CEL: variants seen among roughly 807,000 people sequenced by gnomAD.
CEL encodes the protein carboxyl ester lipase, also known as bile salt-activated lipase.
In CEL, 39 loss-of-function variants were observed where a neutral mutation model predicts 57.1. That is an observed-to-expected ratio of 0.68 (90% CI 0.53 to 0.89). The LOEUF (loss-of-function observed/expected upper bound fraction) is 0.89. Among genes scored for constraint, CEL ranks in the 40% least tolerant of loss-of-function variants. CEL has a pLI of 0.00. For synonymous variants in CEL, 314 were observed against 396.6 expected (o/e 0.79, Z 2.48); for missense variants, 698 against 915.0 (o/e 0.76, Z 3.06).
intron 7 of CEL, among the ~76,000 whole-genome samples, chr9:133,068,071 G>A (rs189221750): frequency 2.0e-5 from 3 of 152,166 alleles, no homozygotes; most frequent in South Asian, 2.1e-4. Flanking sequence ...TCAACTGCAC[G>A]GGCTGGACAA....
rs1273509890 is a variant in CEL, at chr9:133,071,641, C to T, written c.2139C>T (p.Pro713=). 3.2e-5 allele frequency: 48 copies of T among 1,522,572 alleles called. 1 individual carries two copies. The African/African-American group carries it at 4.5e-4, about 14-fold the overall frequency. 94.3% of individuals were successfully genotyped at this position (1,522,572 alleles called of 1,614,324 possible). A position where few individuals can be genotyped will look rare whatever the true frequency, so the allele number is the denominator to read the frequency against. Residue 713 remains proline (P), a synonymous_variant, in exon 11 of 11, where the codon CCC becomes CCT. Transcript: ENST00000372080. ...VTPTGDSETA[P]VPPTGDSGAP... is the part of the protein sequence containing the mutation. ...CCACGGGTGACTCCGAGACCGCCCC[C>T]GTGCCGCCCACGGGTGACTCCGGGG...
At chr9:133,063,346 C>T (rs563572656) in intron 1 of CEL, among the ~76,000 whole-genome samples, 1 of 152,304 alleles carries the variant, frequency 6.6e-6, no homozygotes, top group African/African-American at 2.4e-5. Context: ...ACAGATGCCT[C>T]GCAGGGGATG....
chr9:133,066,509 C>G lies in CEL; in HGVS notation c.539-21C>G. On this transcript the variant is annotated intron_variant, in intron 4 of 10. Transcript: ENST00000372080. This position sits in a 1 kb window ranked among gnomAD's most constrained non-coding sequence, Gnocchi z 4.3. Reference sequence around the variant, plus strand: ...CCTGGGCCACTGGTCTCTAGCACCCCCTCCCCTGCCCTGCCCCCAGGTAAC... The same window carrying G: ...CCTGGGCCACTGGTCTCTAGCACCCGCTCCCCTGCCCTGCCCCCAGGTAAC... 6.2e-7 allele frequency: 1 copy of G among 1,613,820 alleles called. No homozygotes were observed. Among genetic ancestry groups the G allele is most frequent in the Non-Finnish European group, 8.5e-7 (1 of 1,179,994 alleles).
rs372564944 is a variant in CEL, at chr9:133,066,587, C to T, written c.596C>T (p.Ala199Val). The T allele has an allele frequency of 3.5e-5, 57 of 1,613,832 alleles. No individual in the cohort carries two copies. Among genetic ancestry groups the T allele is most frequent in the Non-Finnish European group, 4.4e-5 (52 of 1,180,026 alleles). ...MAIAWVKRNI[A>V]AFGGDPNNIT... ...ATTGCTTGGGTGAAGAGGAATATCG[C>T]GGCCTTCGGGGGGGACCCCAACAAC... The change falls in exon 5 of 11, where the codon GCG becomes GTG. Residue 199 changes from alanine (A) to valine (V), a missense_variant. This residue lies in a region of CEL where 327 missense variants were observed against 374.1 expected (regional missense o/e 0.87). Transcript: ENST00000372080. This position sits in a 1 kb window ranked among gnomAD's most constrained non-coding sequence, Gnocchi z 4.3.
At chr9:133,070,878 G>A (rs1175663894) in intron 10 of CEL, 109 bp from the exon 11 acceptor site, 9 of 1,381,374 alleles carry the variant, frequency 6.5e-6, no homozygotes, top group Non-Finnish European at 9.1e-6. Context: ...GGGGCATGGT[G>A]CCCAGGGCCA....
chr9:133,066,541 C>A lies in CEL; in HGVS notation c.550C>A (p.Leu184Ile). 1 of 1,614,026 alleles carries A rather than the reference C, an allele frequency of 6.2e-7. No individual in the cohort carries two copies. Among genetic ancestry groups the A allele is most frequent in the Non-Finnish European group, 8.5e-7 (1 of 1,179,990 alleles). ...TGCCCTGCCCCCAGGTAACTATGGC[C>A]TTCGGGATCAGCACATGGCCATTGC... ...GDANLPGNYGLRDQHMAIAWV... is the reference protein window; with the variant it reads ...GDANLPGNYGIRDQHMAIAWV... The change falls in exon 5 of 11, where the codon CTT becomes ATT. Residue 184 changes from leucine to isoleucine, a missense_variant. Physicochemically the swap from Leu to Ile is conservative, Grantham distance 5. Around this residue, in one of 6 missense-constraint regions of CEL, gnomAD observed 327 missense variants for 374.1 expected, o/e 0.87. Coordinates refer to ENST00000372080, the MANE Select transcript of CEL (RefSeq NM_001807.6). This position sits in a 1 kb window ranked among gnomAD's most constrained non-coding sequence, Gnocchi z 4.3.
chr9:133,067,249 G>T lies in CEL; in HGVS notation c.895+44G>T, dbSNP rs747488282. The T allele has an allele frequency of 7.1e-6, 11 of 1,546,690 alleles. No homozygotes were observed. The East Asian group carries it at 1.6e-4, about 22-fold the overall frequency. On this transcript the variant is annotated intron_variant, in intron 7 of 10. Transcript: ENST00000372080. ...TGGCCCATGGGGTCTCGAGGTGGGG[G>T]TTGAGGGGGGTACTGCCAGGGAGTA...
In CEL at chr9:133,071,191, A is replaced by T; in HGVS notation, c.1689A>T (p.Thr563=). The T allele has an allele frequency of 1.9e-6, 3 of 1,601,486 alleles. No individual in the cohort carries two copies. The South Asian group carries it at 3.3e-5, about 18-fold the overall frequency. Reference sequence around the variant, plus strand: ...AGGAGGCCACCCCTGTGCCCCCCACAGGGGACTCCGAGGCCACTCCCGTGC... The same window carrying T: ...AGGAGGCCACCCCTGTGCCCCCCACTGGGGACTCCGAGGCCACTCCCGTGC... The part of the protein sequence containing the change: ...TDQEATPVPP[T]GDSEATPVPP... The change falls in exon 11 of 11, where the codon ACA becomes ACT. Residue 563 remains threonine, a synonymous_variant. Coordinates refer to ENST00000372080, the MANE Select transcript of CEL (RefSeq NM_001807.6).
At chr9:133,070,940 C>T (rs1830250173) in intron 10 of CEL, 47 bp from the exon 11 acceptor site, 2 of 1,602,682 alleles carry the variant, frequency 1.2e-6, no homozygotes, top group Non-Finnish European at 1.7e-6. Flanking sequence ...AGGGCTTCAG[C>T]CCCCTGGGAG....
rs1830138350 is a variant in CEL, at chr9:133,064,313, C to G, written c.67-91C>G. ...TCCTGCTTTGAAGCTGTCTTTGCCT[C>G]TGGGCACGCGGAGTCGGCTTGCCTT... On this transcript the variant is annotated intron_variant, in intron 1 of 10. Coordinates refer to ENST00000372080, the MANE Select transcript of CEL (RefSeq NM_001807.6). 7 of 1,569,274 alleles carry G rather than the reference C, an allele frequency of 4.5e-6. No homozygotes were observed. The South Asian group carries it at 4.5e-5, about 10-fold the overall frequency.
At position 133,070,502 on chromosome 9, in the gene CEL, G is replaced by A. The variant is rs369669750; in HGVS notation, c.1328G>A (p.Arg443Gln). Residue 443 changes from arginine (R) to glutamine (Q), a missense_variant, in exon 10 of 11, where the codon CGG (arginine) becomes CAG (glutamine). Physicochemically the swap from Arg to Gln is conservative, Grantham distance 43 (BLOSUM62 1). Around this residue, in one of 6 missense-constraint regions of CEL, gnomAD observed 111 missense variants for 147.3 expected, o/e 0.75. Transcript: ENST00000372080. The part of the protein sequence containing the change: ...TYAYLFSHPS[R>Q]MPVYPKWVGA... ...GCCTACCTGTTTTCCCATCCCTCTC[G>A]GATGCCCGTCTACCCCAAATGGGTG... 20 of 1,613,824 alleles carry A rather than the reference G, an allele frequency of 1.2e-5. No individual in the cohort carries two copies. Among genetic ancestry groups the A allele is most frequent in the Middle Eastern group, 1.7e-4 (1 of 6,058 alleles).
intron 3 of CEL, 84 bp from the exon 4 acceptor site, chr9:133,064,956 G>A (rs1830151601): frequency 1.3e-6 from 2 of 1,577,202 alleles, no homozygotes; most frequent in Non-Finnish European, 1.7e-6. Flanking sequence ...TTGGCCCCAG[G>A]CACCTGCTGC....
In CEL at chr9:133,069,560, GCACTGAGAGAA is replaced by G. The variant is rs796070104; in HGVS notation, c.1286+307_1286+317del. 2.2e-3 allele frequency among the ~76,000 whole-genome samples: 339 copies of G among 152,048 alleles called. 7 individuals are homozygous for G. Among genetic ancestry groups the G allele is most frequent in the African/African-American group, 7.8e-3 (323 of 41,372 alleles). Reference sequence around the variant, plus strand: ...CTACCTTCCATCCCCCATGCTGTGTGCACTGAGAGAACACTGGACAATAGTTTCTATCCACT... The same window carrying G: ...CTACCTTCCATCCCCCATGCTGTGTGCACTGGACAATAGTTTCTATCCACT... On this transcript the variant is annotated intron_variant, in intron 9 of 10. Transcript: ENST00000372080.
At chr9:133,070,884 G>A (rs1830249034) in intron 10 of CEL, 103 bp from the exon 11 acceptor site, 8 of 1,411,338 alleles carry the variant, frequency 5.7e-6, no homozygotes, top group Admixed American at 1.9e-5. Context: ...TGGTGCCCAG[G>A]GCCAGCTCAG....
chr9:133,068,596 C>A, intron 7 of CEL, 76 bp from the exon 8 acceptor site: 2 of 1,604,970 alleles, frequency 1.2e-6, no homozygotes, highest in Non-Finnish European at 1.7e-6. Flanking sequence ...CCAATTCCAG[C>A]CCTGAGAGGC....
rs780419796 is a variant in CEL, at chr9:133,071,673, CT to C, written c.2172del (p.Val725CysfsTer33). The C allele has an allele frequency of 3.8e-4, 599 of 1,591,484 alleles. 6 individuals carry two copies. The Admixed American group carries it at 5.7e-3, about 15-fold the overall frequency. On this transcript the variant is annotated frameshift_variant, in exon 11 of 11. Coordinates refer to ENST00000372080, the MANE Select transcript of CEL (RefSeq NM_001807.6). LOFTEE classifies it high-confidence loss of function. ...CCCACGGGTGACTCCGGGGCCCCCC[CT>C]GTGCCCCCCACGGGTGACTCTGAGG... ...VPPTGDSGAPPVPPTGDSEAA... is the reference protein window; with the variant it reads ...VPPTGDSGAPXVPPTGDSEAA...
At position 133,071,678 on chromosome 9, in the gene CEL, C is replaced by A. The variant is rs199602144; in HGVS notation, c.2176C>A (p.Pro726Thr). 5.2e-5 allele frequency: 83 copies of A among 1,588,874 alleles called. No homozygotes were observed. Among genetic ancestry groups the A allele is most frequent in the South Asian group, 1.5e-4 (14 of 90,520 alleles). Residue 726 changes from proline to threonine, a missense_variant, in exon 11 of 11, where the codon CCC becomes ACC. Physicochemically the swap from Pro to Thr is conservative, Grantham distance 38. Coordinates refer to ENST00000372080, the MANE Select transcript of CEL (RefSeq NM_001807.6). The part of the protein sequence containing the change: ...PTGDSGAPPV[P>T]PTGDSEAAPV... ...GGGTGACTCCGGGGCCCCCCCTGTG[C>A]CCCCCACGGGTGACTCTGAGGCTGC... is the stretch of plus-strand genomic sequence containing the variant.
Position 133,064,389 on chromosome 9 carries a change from G to T in CEL, c.67-15G>T. ...GGCTTGAGCCCCCCTGACCCTGCCC[G>T]TGTCTCCCTCGCAGCTGGGCGCCGT... On this transcript the variant is annotated splice_polypyrimidine_tract_variant and intron_variant, in intron 1 of 10. Coordinates refer to ENST00000372080, the MANE Select transcript of CEL (RefSeq NM_001807.6). 3 of 1,613,136 alleles carry T rather than the reference G, an allele frequency of 1.9e-6. No homozygotes were observed. Among genetic ancestry groups the T allele is most frequent in the East Asian group, 2.2e-5 (1 of 44,886 alleles).
In CEL at chr9:133,071,312, G is replaced by T. The variant is rs1370187583; in HGVS notation, c.1810G>T (p.Val604Leu). 1 of 496,866 alleles carries T rather than the reference G, an allele frequency of 2.0e-6. No individual in the cohort carries two copies. Among genetic ancestry groups the T allele is most frequent in the Non-Finnish European group, 3.4e-6 (1 of 295,292 alleles). The allele number at this position is 496,866 out of a possible 1,614,324, so 30.8% of individuals were successfully genotyped here. A position where few individuals can be genotyped will look rare whatever the true frequency, so the allele number is the denominator to read the frequency against. The change falls in exon 11 of 11, where the codon GTG becomes TTG. Residue 604 changes from valine (V) to leucine (L), a missense_variant. Physicochemically the swap from Val to Leu is conservative, Grantham distance 32. Transcript: ENST00000372080. ...PPTGDSGAPP[V>L]PPTGDSGAPP... Reference sequence around the variant, plus strand: ...CACGGGTGACTCCGGGGCCCCCCCCGTGCCGCCCACGGGTGACTCCGGGGC... The same window carrying T: ...CACGGGTGACTCCGGGGCCCCCCCCTTGCCGCCCACGGGTGACTCCGGGGC...
Sources: allele counts gnomAD v4.1 joint callset (sites outside exome capture counted in the v4.1 genomes callset), GRCh38; gene constraint gnomAD v4.1.1; regional missense constraint gnomAD v4.1.1; non-coding constraint Gnocchi (gnomAD v3.1); transcripts MANE v1.5; gene names NCBI Gene and HGNC (gene_info 2026-07-23, HGNC 2026-07-21).